Variants in ARHGAP15 observed in about 807,000 individuals in gnomAD.
The protein encoded by ARHGAP15 is Rho GTPase activating protein 15.
In ARHGAP15, 51 loss-of-function variants were observed where a neutral mutation model predicts 63.7. The observed-to-expected ratio is 0.80, with a 90% CI of 0.64 to 1.01. The LOEUF (loss-of-function observed/expected upper bound fraction) is 1.01, where lower values mean the gene tolerates loss of function less well. ARHGAP15 is among the 50% of genes least tolerant of loss of function. The pLI is 0.00. For missense variants in ARHGAP15, 560 were observed against 564.6 expected (o/e 0.99, Z 0.08); for synonymous variants, 191 against 193.8 (o/e 0.99, Z 0.12).
At chr2:143,331,989 C>T (rs1426867546) in intron 6 of ARHGAP15, among the ~76,000 whole-genome samples, 1 of 152,058 alleles carries the variant, frequency 6.6e-6, no homozygotes, top group Non-Finnish European at 1.5e-5. Flanking sequence ...CAAATTGTTT[C>T]TTGTCCTTCT....
At chr2:143,306,937 T>G (rs1403937794) in intron 6 of ARHGAP15, among the ~76,000 whole-genome samples, 2 of 152,096 alleles carry the variant, frequency 1.3e-5, no homozygotes, top group African/African-American at 2.4e-5. Context: ...CCTTGCTGGG[T>G]TCTCTGCTCA....
chr2:143,557,406 C>T (rs1051322206), intron 11 of ARHGAP15, among the ~76,000 whole-genome samples: 8 of 151,818 alleles, frequency 5.3e-5, no homozygotes, highest in Non-Finnish European at 1.2e-4. Context: ...ATGATTCCAA[C>T]AATATACTGG....
intron 12 of ARHGAP15, among the ~76,000 whole-genome samples, chr2:143,649,840 C>T (rs13423169): frequency 0.53 from 64,724 of 121,040 alleles, 14,397 homozygotes; most frequent in Non-Finnish European, 0.64. Context: ...CTCAGAGCTC[C>T]ACCCATTTTA....
At chr2:143,481,374 G>T (rs571361387) in intron 8 of ARHGAP15, among the ~76,000 whole-genome samples, 2 of 152,006 alleles carry the variant, frequency 1.3e-5, no homozygotes, top group East Asian at 3.9e-4. Flanking sequence ...CAACATTTCT[G>T]AAATGTTGGC....
chr2:143,376,402 A>T (rs932369702), intron 6 of ARHGAP15, among the ~76,000 whole-genome samples: 5 of 152,170 alleles, frequency 3.3e-5, no homozygotes, highest in African/African-American at 4.8e-5. Context: ...ACATTCATTG[A>T]TAGAATCAAT....
At chr2:143,741,223 T>G (rs1166242226) in intron 13 of ARHGAP15, 1 of 152,230 alleles carries the variant, frequency 6.6e-6, no homozygotes, top group Non-Finnish European at 1.5e-5. Context: ...TTTGTTGAAA[T>G]ATTTCCAAAG....
At chr2:143,502,840 C>A (rs990387418) in intron 9 of ARHGAP15, among the ~76,000 whole-genome samples, 13 of 152,200 alleles carry the variant, frequency 8.5e-5, no homozygotes, top group African/African-American at 3.1e-4. Context: ...TCAACCTCCC[C>A]AAATGCTGGG....
intron 10 of ARHGAP15, chr2:143,533,227 A>G (rs1308378358): frequency 1.3e-5 from 2 of 152,228 alleles, no homozygotes; most frequent in African/African-American, 4.8e-5. Context: ...TTTTTATGAC[A>G]AGATTTTTTT....
intron 6 of ARHGAP15, among the ~76,000 whole-genome samples, chr2:143,403,720 A>G (rs1378476564): frequency 6.6e-6 from 1 of 151,894 alleles, no homozygotes; most frequent in Non-Finnish European, 1.5e-5. Context: ...GCATGTGTAT[A>G]CGTGTATTTT....
intron 11 of ARHGAP15, among the ~76,000 whole-genome samples, chr2:143,574,492 AT>A (rs547991521): frequency 3.4e-4 from 52 of 152,032 alleles, no homozygotes; most frequent in African/African-American, 1.2e-3. Context: ...TAATAATAAA[AT>A]TAAAAAATAA....
chr2:143,290,082 G>A (rs1276924544), intron 6 of ARHGAP15, among the ~76,000 whole-genome samples: 7 of 152,096 alleles, frequency 4.6e-5, no homozygotes, highest in Non-Finnish European at 8.8e-5. Context: ...AGAGTGTAAT[G>A]TGATAACTAC....
intron 6 of ARHGAP15, among the ~76,000 whole-genome samples, chr2:143,417,415 G>A (rs192180256): frequency 3.3e-5 from 5 of 152,218 alleles, no homozygotes; most frequent in African/African-American, 4.8e-5. Context: ...AAGAGCATCT[G>A]GGGGAAGTAA....
chr2:143,385,102 T>C (rs921364233), intron 6 of ARHGAP15, among the ~76,000 whole-genome samples: 3 of 152,122 alleles, frequency 2.0e-5, no homozygotes, highest in Non-Finnish European at 4.4e-5. Context: ...CTACCAATCT[T>C]AGGTTTTTAT....
At chr2:143,163,662 C>T (rs962385098) in intron 2 of ARHGAP15, among the ~76,000 whole-genome samples, 1 of 151,942 alleles carries the variant, frequency 6.6e-6, no homozygotes, top group Non-Finnish European at 1.5e-5. Context: ...CATTCTATTG[C>T]CAAGAATGTG....
intron 6 of ARHGAP15, among the ~76,000 whole-genome samples, chr2:143,392,242 G>A (rs191524370): frequency 1.1e-3 from 169 of 152,236 alleles, no homozygotes; most frequent in Non-Finnish European, 1.8e-3. Context: ...TTATGAAGCT[G>A]CCATTTTCCA....
Position 143,191,234 on chromosome 2 carries a change from G to A in ARHGAP15, c.166-10900G>A, listed in dbSNP as rs185851097. 9.6e-4 allele frequency among the ~76,000 whole-genome samples: 146 copies of A among 152,234 alleles called. 1 individual carries two copies. Among genetic ancestry groups the A allele is most frequent in the African/African-American group, 3.4e-3 (140 of 41,552 alleles). On this transcript the variant is annotated intron_variant, in intron 2 of 13. Coordinates refer to ENST00000295095, the MANE Select transcript of ARHGAP15 (RefSeq NM_018460.4). Reference sequence around the variant, plus strand: ...TTATTTCAATTAAAGACTCATTGTCGGGGGTCATTTTGAAAATTCTATCTT... The same window carrying A: ...TTATTTCAATTAAAGACTCATTGTCAGGGGTCATTTTGAAAATTCTATCTT...
chr2:143,538,438 G>A (rs1299018764), intron 10 of ARHGAP15, among the ~76,000 whole-genome samples: 2 of 152,136 alleles, frequency 1.3e-5, no homozygotes, highest in African/African-American at 2.4e-5. Flanking sequence ...TGGTGAGAGA[G>A]GGCATCCCTG....
chr2:143,371,678 G>A (rs1271177619), intron 6 of ARHGAP15, among the ~76,000 whole-genome samples: 1 of 151,868 alleles, frequency 6.6e-6, no homozygotes, highest in Admixed American at 6.6e-5. Context: ...CCCTGTTTTG[G>A]AAAATTTCCT....
At chr2:143,302,545 T>C (rs1682951878) in intron 6 of ARHGAP15, among the ~76,000 whole-genome samples, 1 of 151,998 alleles carries the variant, frequency 6.6e-6, no homozygotes, top group African/African-American at 2.4e-5. Flanking sequence ...CACAGATATA[T>C]GGAAGGTGCA....
Sources: allele counts gnomAD v4.1 joint callset (sites outside exome capture counted in the v4.1 genomes callset), GRCh38; gene constraint gnomAD v4.1.1; transcripts MANE v1.5; gene names NCBI Gene and HGNC (gene_info 2026-07-23, HGNC 2026-07-21).